The following CD9 variants were observed in gnomAD, a reference collection of about 807,000 sequenced individuals.
CD9 encodes the protein CD9 antigen.
Under a neutral mutation model 31.4 loss-of-function variants are expected in CD9, and 10 were observed. The ratio of observed to expected loss-of-function variants is 0.32; its 90% CI spans 0.20 to 0.54. The LOEUF (loss-of-function observed/expected upper bound fraction) is 0.54. Among genes scored for constraint, CD9 ranks in the 20% least tolerant of loss-of-function variants. CD9 has a pLI of 0.94. For synonymous variants in CD9, 113 were observed against 114.1 expected, an observed-to-expected ratio of 0.99 and a Z score of 0.06; for missense variants, 259 against 300.1, an observed-to-expected ratio of 0.86 and a Z score of 1.01.
intron 1 of CD9, among the ~76,000 whole-genome samples, chr12:6,213,079 C>T (rs571217197): frequency 7.9e-5 from 12 of 152,242 alleles, no homozygotes; most frequent in Non-Finnish European, 1.6e-4. Flanking sequence ...CAGCGTCTTA[C>T]GATTGTTACT....
chr12:6,225,209 G>T lies in CD9; in HGVS notation c.67-217G>T, dbSNP rs560837246. ...TAAAATACCCCTTCAGCCAATGGGC[G>T]GCAGGTAGGTCACTGTTTATTCCTC... On this transcript the variant is annotated intron_variant, in intron 1 of 7. Transcript: ENST00000009180. 3.1e-5 allele frequency: 17 copies of T among 554,896 alleles called. No individual in the cohort carries two copies. The African/African-American group carries it at 3.2e-4, about 10-fold the overall frequency. 34.4% of individuals were successfully genotyped at this position (554,896 alleles called of 1,614,324 possible).
chr12:6,203,373 AG>A (rs1287914437), intron 1 of CD9, among the ~76,000 whole-genome samples: 12 of 152,214 alleles, frequency 7.9e-5, no homozygotes, highest in Admixed American at 7.9e-4. Flanking sequence ...TCTTGAGACC[AG>A]ACATTTATAA....
At chr12:6,221,984 A>G (rs1033548215) in intron 1 of CD9, among the ~76,000 whole-genome samples, 2 of 152,152 alleles carry the variant, frequency 1.3e-5, no homozygotes, top group African/African-American at 4.8e-5. Context: ...GACGAGAGCA[A>G]GACCCTGTCT....
chr12:6,213,478 C>A (rs1328812542), intron 1 of CD9, among the ~76,000 whole-genome samples: 1 of 152,210 alleles, frequency 6.6e-6, no homozygotes, highest in African/African-American at 2.4e-5. Context: ...GGCAGAGACT[C>A]GCTTTGTGGA....
chr12:6,205,180 G>A (rs568496673), intron 1 of CD9, among the ~76,000 whole-genome samples: 1 of 152,318 alleles, frequency 6.6e-6, no homozygotes, highest in South Asian at 2.1e-4. Flanking sequence ...CTGGCTACAC[G>A]TGCACTGAAG....
chr12:6,217,041 G>A (rs1002248899), intron 1 of CD9, among the ~76,000 whole-genome samples: 12 of 152,062 alleles, frequency 7.9e-5, no homozygotes, highest in Admixed American at 5.2e-4. Flanking sequence ...TTCCACAAAC[G>A]AGGACTGTAA....
At chr12:6,211,300 A>T (rs544178110) in intron 1 of CD9, among the ~76,000 whole-genome samples, 1 of 152,320 alleles carries the variant, frequency 6.6e-6, no homozygotes, top group African/African-American at 2.4e-5. Flanking sequence ...GCTAGTAATT[A>T]GGTGACCTAA....
rs199605524 is a variant in CD9, at chr12:6,200,589, G to C, written c.66+24G>C. 1,321 of 1,563,198 alleles carry C rather than the reference G, an allele frequency of 8.5e-4. 11 individuals carry two copies. Among genetic ancestry groups the C allele is most frequent in the Non-Finnish European group, 1.9e-4 (219 of 1,135,032 alleles). On this transcript the variant is annotated intron_variant, in intron 1 of 7. Transcript: ENST00000009180. ...GGGTGAGTGAGCGCGACTGCCGCGC[G>C]CTCCTCTCAGGGCCCACCTGTTCGC...
intron 1 of CD9, among the ~76,000 whole-genome samples, chr12:6,222,416 G>A (rs929054112): frequency 1.3e-5 from 2 of 152,182 alleles, no homozygotes; most frequent in Non-Finnish European, 2.9e-5. Context: ...CTGTGAGACC[G>A]AGACCTATGG....
chr12:6,225,694 G>A (rs1184042227), intron 2 of CD9, 160 bp downstream of exon 2: 8 of 594,842 alleles, frequency 1.3e-5, no homozygotes, highest in Non-Finnish European at 2.4e-5. Context: ...CAGTTTTTGT[G>A]TGTGTCGTTG....
In CD9 at chr12:6,232,715, T is replaced by G; in HGVS notation, c.259T>G (p.Cys87Gly). Reference sequence around the variant, plus strand: ...CTGCGGGGCTGTGCAGGAGTCCCAGTGCATGCTGGGACTGGTGAGTATCCC... The same window carrying G: ...CTGCGGGGCTGTGCAGGAGTCCCAGGGCATGCTGGGACTGGTGAGTATCCC... ...GCCGAVQESQ[C>G]MLGLFFGFLL... Residue 87 changes from cysteine (C) to glycine (G), a missense_variant, in exon 3 of 8, where the codon TGC becomes GGC. Coordinates refer to ENST00000009180, the MANE Select transcript of CD9 (RefSeq NM_001769.4). This position sits in a 1 kb window ranked among gnomAD's most constrained non-coding sequence, Gnocchi z 4.8. The G allele has an allele frequency of 6.4e-7, 1 of 1,560,484 alleles. No homozygotes were observed. Among genetic ancestry groups the G allele is most frequent in the African/African-American group, 1.4e-5 (1 of 73,954 alleles).
In CD9 at chr12:6,235,222, A is replaced by G. The variant is rs754111539; in HGVS notation, c.349-7A>G. 1.0e-5 allele frequency: 16 copies of G among 1,593,142 alleles called. No individual in the cohort carries two copies. Among genetic ancestry groups the G allele is most frequent in the Admixed American group, 6.7e-5 (4 of 59,780 alleles). On this transcript the variant is annotated splice_polypyrimidine_tract_variant and splice_region_variant and intron_variant, in intron 4 of 7. Transcript: ENST00000009180. The stretch of plus-strand genomic sequence containing the variant: ...GTCTCTGCCCCTCTCTCGTCTGCCC[A>G]TTGTAGGTGATTAAGGAAGTCCAGG...
At position 6,232,481 on chromosome 12, in the gene CD9, A is replaced by AT. The variant is rs1946458644; in HGVS notation, c.176-147dup. On this transcript the variant is annotated intron_variant, in intron 2 of 7. Coordinates refer to ENST00000009180, the MANE Select transcript of CD9 (RefSeq NM_001769.4). This position sits in a 1 kb window ranked among gnomAD's most constrained non-coding sequence, Gnocchi z 4.8. ...GGGCAGAGGTGGAAGAGGAGGCTGT[A>AT]TTTTAAGGAAAGGGAACTTCTTCCC... The AT allele has an allele frequency of 7.5e-6, 5 of 666,328 alleles. No individual in the cohort carries two copies. The highest frequency in any genetic ancestry group is 2.2e-5 in the Admixed American group (1 of 45,270). 41.3% of individuals were successfully genotyped at this position (666,328 alleles called of 1,614,324 possible). A position where few individuals can be genotyped will look rare whatever the true frequency, so the allele number is the denominator to read the frequency against.
chr12:6,237,694 C>G, intron 7 of CD9, 69 bp from the exon 8 acceptor site: 1 of 1,189,332 alleles, frequency 8.4e-7, no homozygotes. Flanking sequence ...TGACCCATGT[C>G]TCTCCCTTTC....
chr12:6,238,069 T>G lies in CD9; in HGVS notation c.*241T>G. On this transcript the variant is annotated 3_prime_UTR_variant, in exon 8 of 8. Transcript: ENST00000009180. Reference sequence around the variant, plus strand: ...TTGCTTTGGTTTATATTTTTTCAGTTGTTTGTTTTTGCTTGTTATATTAAG... The same window carrying G: ...TTGCTTTGGTTTATATTTTTTCAGTGGTTTGTTTTTGCTTGTTATATTAAG... 2.5e-6 allele frequency: 1 copy of G among 400,458 alleles called. No homozygotes were observed. The highest frequency in any genetic ancestry group is 2.8e-5 in the South Asian group (1 of 35,746). The allele number at this position is 400,458 out of a possible 1,614,324, so 24.8% of individuals were successfully genotyped here. A position where few individuals can be genotyped will look rare whatever the true frequency, so the allele number is the denominator to read the frequency against.
At chr12:6,220,442 T>C (rs1946281905) in intron 1 of CD9, among the ~76,000 whole-genome samples, 1 of 152,078 alleles carries the variant, frequency 6.6e-6, no homozygotes, top group Middle Eastern at 3.4e-3. Context: ...GACGAGCCAG[T>C]GAGGACTTGG....
rs1002310765 is a variant in CD9 at position 6,232,925 on chromosome 12, C to T, written c.273+196C>T. ...TCTTCCTTTCTGGAGCCTGTCTTATCGCTTCCCCTAGGCAACTAAAAGGAC... is the reference window on the plus strand; with the variant it reads ...TCTTCCTTTCTGGAGCCTGTCTTATTGCTTCCCCTAGGCAACTAAAAGGAC... On this transcript the variant is annotated intron_variant, in intron 3 of 7. Coordinates refer to ENST00000009180, the MANE Select transcript of CD9 (RefSeq NM_001769.4). This position sits in a 1 kb window ranked among gnomAD's most constrained non-coding sequence, Gnocchi z 4.8. The T allele has an allele frequency of 2.8e-5, 20 of 702,866 alleles. No individual in the cohort carries two copies. The highest frequency in any genetic ancestry group is 5.4e-5 in the East Asian group (2 of 37,286). 43.5% of individuals were successfully genotyped at this position (702,866 alleles called of 1,614,324 possible). A position where few individuals can be genotyped will look rare whatever the true frequency, so the allele number is the denominator to read the frequency against.
At chr12:6,209,798 C>A (rs530724541) in intron 1 of CD9, among the ~76,000 whole-genome samples, 1 of 151,858 alleles carries the variant, frequency 6.6e-6, no homozygotes, top group African/African-American at 2.4e-5. Flanking sequence ...GATTCTCATG[C>A]CTCAGCCTCT....
Position 6,231,055 on chromosome 12 carries a change from G to A in CD9, c.176-1577G>A, listed in dbSNP as rs555976128. 2.0e-5 allele frequency among the ~76,000 whole-genome samples: 3 copies of A among 152,324 alleles called. No individual in the cohort carries two copies. The East Asian group carries it at 5.8e-4, about 29-fold the overall frequency. ...CAGTGAAGTCAGCGTGTCACCTGCC[G>A]AGGGTTCTCATCGAGTGTCCTGCTG... On this transcript the variant is annotated intron_variant, in intron 2 of 7. Coordinates refer to ENST00000009180, the MANE Select transcript of CD9 (RefSeq NM_001769.4).
Sources: gnomAD v4.1 joint callset for allele counts (sites outside exome capture counted in the v4.1 genomes callset) on GRCh38, gnomAD v4.1.1 for gene constraint, Gnocchi (gnomAD v3.1) non-coding constraint, MANE v1.5 for transcripts, NCBI Gene and HGNC (gene_info 2026-07-23, HGNC 2026-07-21) for gene names.